The following ADAMTS3 variants were observed in gnomAD, a reference collection of about 807,000 sequenced individuals.
ADAMTS3 encodes the protein ADAM metallopeptidase with thrombospondin type 1 motif 3.
Under a neutral mutation model 129.0 loss-of-function variants are expected in ADAMTS3, and 73 were observed. The ratio of observed to expected loss-of-function variants is 0.57; its 90% CI spans 0.47 to 0.69. The LOEUF (loss-of-function observed/expected upper bound fraction) is 0.69, where lower values mean the gene tolerates loss of function less well. Among genes scored for constraint, ADAMTS3 ranks in the 30% least tolerant of loss-of-function variants. The pLI, the probability that ADAMTS3 is intolerant of heterozygous loss-of-function variation, is 0.00. For missense variants in ADAMTS3, 1,457 were observed against 1,514.5 expected (o/e 0.96, Z 0.63); for synonymous variants, 477 against 510.8 (o/e 0.93, Z 0.89).
intron 3 of ADAMTS3, among the ~76,000 whole-genome samples, chr4:72,450,620 G>T (rs1718370431): frequency 6.6e-6 from 1 of 151,640 alleles, no homozygotes. Flanking sequence ...CATAAGAATT[G>T]TCATGATTAC....
intron 3 of ADAMTS3, among the ~76,000 whole-genome samples, chr4:72,515,680 GTTGT>G (rs1329183440): frequency 4.6e-4 from 70 of 151,906 alleles, no homozygotes; most frequent in Non-Finnish European, 2.5e-4. Context: ...TTTTGATGGG[GTTGT>G]TTGTTTGTTT....
At position 72,406,431 on chromosome 4, in the gene ADAMTS3, A is replaced by G. The variant is rs374897188; in HGVS notation, c.661+8384T>C. On this transcript the variant is annotated intron_variant, in intron 4 of 21. Transcript: ENST00000286657. The stretch of plus-strand genomic sequence containing the variant: ...CTTTGTTTTATCCTTGAACATTTGT[A>G]AAGAATTAATATGTACCACAATGAA... 1.5e-4 allele frequency among the ~76,000 whole-genome samples: 23 copies of G among 152,324 alleles called. No homozygotes were observed. In the East Asian group the frequency reaches 4.2e-3, roughly 28 times the overall value.
intron 3 of ADAMTS3, among the ~76,000 whole-genome samples, chr4:72,449,169 C>T (rs1718330556): frequency 6.6e-6 from 1 of 151,590 alleles, no homozygotes; most frequent in Non-Finnish European, 1.5e-5. Context: ...AGACAATTTA[C>T]TTTACTTAAG....
At chr4:72,479,630 A>G (rs1022239105) in intron 3 of ADAMTS3, among the ~76,000 whole-genome samples, 1 of 152,192 alleles carries the variant, frequency 6.6e-6, no homozygotes. Context: ...GGACATAGGC[A>G]TGGGCAAGGA....
chr4:72,369,570 G>GC (rs1720952502), intron 4 of ADAMTS3, among the ~76,000 whole-genome samples: 1 of 152,042 alleles, frequency 6.6e-6, no homozygotes, highest in African/African-American at 2.4e-5. Flanking sequence ...AATTAGCCAG[G>GC]CATGGTAGTG....
At chr4:72,432,081 T>A (rs1722713858) in intron 3 of ADAMTS3, among the ~76,000 whole-genome samples, 1 of 151,954 alleles carries the variant, frequency 6.6e-6, no homozygotes, top group African/African-American at 2.4e-5. Context: ...TCATTCTTGA[T>A]CCTCTGTAGC....
At chr4:72,342,247 G>T (rs969130732) in intron 4 of ADAMTS3, among the ~76,000 whole-genome samples, 1 of 152,192 alleles carries the variant, frequency 6.6e-6, no homozygotes, top group Admixed American at 6.5e-5. Flanking sequence ...CTAATGAAAG[G>T]CCACTAGGTT....
intron 3 of ADAMTS3, among the ~76,000 whole-genome samples, chr4:72,499,184 CA>C (rs1257743720): frequency 3.9e-5 from 6 of 152,220 alleles, no homozygotes; most frequent in Non-Finnish European, 1.5e-5. Flanking sequence ...AGACATCTTC[CA>C]TTGTTTTGTC....
In ADAMTS3 at chr4:72,370,007, C is replaced by A. The variant is rs111541696; in HGVS notation, c.662-30314G>T. Among the ~76,000 whole-genome samples, 19 of 152,274 alleles carry A rather than the reference C, an allele frequency of 1.2e-4. 2 individuals carry two copies. The highest frequency in any genetic ancestry group is 4.6e-4 in the African/African-American group (19 of 41,572). On this transcript the variant is annotated intron_variant, in intron 4 of 21. Transcript: ENST00000286657. ...GAATGGGTTGTGTGAGCCCTTGAGG[C>A]CTTCATCCAGCGTTGTTTCTGGGAA...
chr4:72,312,139 T>G, intron 13 of ADAMTS3, 152 bp downstream of exon 13: 1 of 735,032 alleles, frequency 1.4e-6, no homozygotes, highest in Non-Finnish European at 2.2e-6. Context: ...ATTTAAGCCT[T>G]ATTCTTAGAA....
At chr4:72,505,521 G>T (rs574762257) in intron 3 of ADAMTS3, among the ~76,000 whole-genome samples, 1 of 152,194 alleles carries the variant, frequency 6.6e-6, no homozygotes, top group Non-Finnish European at 1.5e-5. Flanking sequence ...CTGACTCCTG[G>T]AAAGCACAGC....
chr4:72,406,994 A>T (rs1376767788), intron 4 of ADAMTS3, among the ~76,000 whole-genome samples: 2 of 152,134 alleles, frequency 1.3e-5, no homozygotes, highest in African/African-American at 4.8e-5. Context: ...AACCACACAA[A>T]CGCTTCTACT....
intron 3 of ADAMTS3, among the ~76,000 whole-genome samples, chr4:72,442,699 G>A (rs1456400784): frequency 1.3e-5 from 2 of 151,820 alleles, no homozygotes; most frequent in Non-Finnish European, 1.5e-5. Context: ...GAACACCTGA[G>A]AGAGATTGCC....
intron 3 of ADAMTS3, among the ~76,000 whole-genome samples, chr4:72,441,309 A>G (rs1306040615): frequency 6.6e-6 from 1 of 151,666 alleles, no homozygotes; most frequent in Non-Finnish European, 1.5e-5. Flanking sequence ...TGTATTTTTC[A>G]ACATTTGTAC....
Position 72,320,809 on chromosome 4 carries a change from G to A in ADAMTS3, c.1007C>T (p.Ala336Val), listed in dbSNP as rs140806973. The change falls in exon 7 of 22, where the codon GCG (alanine) becomes GTG (valine). Residue 336 changes from alanine (A) to valine (V), a missense_variant. Ala to Val is a moderately conservative substitution (Grantham distance 64). Coordinates refer to ENST00000286657, the MANE Select transcript of ADAMTS3 (RefSeq NM_014243.3). ...GAGATCAGATCTTTGCTGTTGGGAC[G>A]CCCAGCGACACACATTCTCCAAGCT... ...SRSLENVCRW[A>V]SQQQRSDLNH... 96 of 1,613,784 alleles carry A rather than the reference G, an allele frequency of 5.9e-5. No individual in the cohort carries two copies. Among genetic ancestry groups the A allele is most frequent in the Admixed American group, 3.3e-5 (2 of 59,978 alleles).
intron 4 of ADAMTS3, among the ~76,000 whole-genome samples, chr4:72,385,079 C>G (rs1428889613): frequency 1.3e-5 from 2 of 151,880 alleles, no homozygotes; most frequent in Non-Finnish European, 2.9e-5. Flanking sequence ...CTTCTACAGG[C>G]TGAGGCAGGA....
chr4:72,389,321 T>C (rs923046614), intron 4 of ADAMTS3, among the ~76,000 whole-genome samples: 17 of 152,100 alleles, frequency 1.1e-4, no homozygotes, highest in African/African-American at 3.9e-4. Context: ...GTTTCAAAAT[T>C]TGTGAATGAC....
At chr4:72,554,739 A>C (rs1721721813) in intron 2 of ADAMTS3, among the ~76,000 whole-genome samples, 1 of 151,882 alleles carries the variant, frequency 6.6e-6, no homozygotes. Context: ...GCAAGTACCA[A>C]GTCCAAATTC....
intron 4 of ADAMTS3, among the ~76,000 whole-genome samples, chr4:72,393,600 G>A (rs1055434767): frequency 1.3e-5 from 2 of 152,066 alleles, no homozygotes; most frequent in African/African-American, 4.8e-5. Flanking sequence ...GCTAAATCTT[G>A]TTACCTTCAA....
Sources: allele counts gnomAD v4.1 joint callset (sites outside exome capture counted in the v4.1 genomes callset), GRCh38; gene constraint gnomAD v4.1.1; transcripts MANE v1.5; gene names NCBI Gene and HGNC (gene_info 2026-07-23, HGNC 2026-07-21).